The following CDH18 variants were observed in gnomAD, a reference collection of about 807,000 sequenced individuals.
CDH18 encodes the protein cadherin-18.
A neutral mutation model predicts 67.9 loss-of-function variants in CDH18; 31 were observed. The ratio of observed to expected loss-of-function variants is 0.46; its 90% confidence interval spans 0.34 to 0.62. CDH18 has a LOEUF of 0.62. CDH18 is among the 20% of genes least tolerant of loss of function. CDH18 has a pLI of 0.01. For missense variants in CDH18, 890 were observed against 975.5 expected (o/e 0.91, Z 1.17); for synonymous variants, 362 against 347.2 (o/e 1.04, Z -0.48).
chr5:20,287,393 T>C (rs1432567387), intron 1 of CDH18, among the ~76,000 whole-genome samples: 1 of 151,736 alleles, frequency 6.6e-6, no homozygotes, highest in African/African-American at 2.4e-5. Context: ...AAGGATAATA[T>C]TGTGCCTCCT....
intron 1 of CDH18, among the ~76,000 whole-genome samples, chr5:20,426,378 T>G (rs951828616): frequency 2.6e-5 from 4 of 151,278 alleles, no homozygotes; most frequent in Admixed American, 1.3e-4. Context: ...GAGAAATTAT[T>G]GCAGTTTTTA....
At chr5:20,045,500 T>G (rs993879763) in intron 2 of CDH18, among the ~76,000 whole-genome samples, 2 of 152,016 alleles carry the variant, frequency 1.3e-5, no homozygotes, top group Admixed American at 6.6e-5. Flanking sequence ...GTGTACTAGT[T>G]CGAGGGATTA....
At chr5:20,548,754 T>G (rs940731741) in intron 1 of CDH18, among the ~76,000 whole-genome samples, 2 of 152,184 alleles carry the variant, frequency 1.3e-5, no homozygotes, top group African/African-American at 4.8e-5. Context: ...CAGTTGAAAT[T>G]GTGATGTAGT....
chr5:20,106,879 A>G (rs551715616), intron 2 of CDH18, among the ~76,000 whole-genome samples: 7 of 152,330 alleles, frequency 4.6e-5, no homozygotes, highest in Non-Finnish European at 7.4e-5. Flanking sequence ...AGCTAATATA[A>G]CATGACAAAA....
chr5:19,906,410 T>C (rs1043256578), intron 2 of CDH18, among the ~76,000 whole-genome samples: 1 of 151,956 alleles, frequency 6.6e-6, no homozygotes, highest in African/African-American at 2.4e-5. Flanking sequence ...CTATACTGGA[T>C]CTATATCTAT....
chr5:20,321,435 C>G (rs1738011594), intron 1 of CDH18, among the ~76,000 whole-genome samples: 1 of 151,994 alleles, frequency 6.6e-6, no homozygotes, highest in South Asian at 2.1e-4. Flanking sequence ...TACCCAATTC[C>G]TTCTAGCTTG....
intron 2 of CDH18, among the ~76,000 whole-genome samples, chr5:20,149,482 T>G (rs1750929791): frequency 6.6e-6 from 1 of 152,170 alleles, no homozygotes; most frequent in Non-Finnish European, 1.5e-5. Flanking sequence ...GGGAGTCATG[T>G]GATGAATGGT....
intron 2 of CDH18, among the ~76,000 whole-genome samples, chr5:20,067,707 T>G (rs1291380163): frequency 1.3e-5 from 2 of 152,094 alleles, no homozygotes; most frequent in Non-Finnish European, 2.9e-5. Flanking sequence ...ATGGACTAAT[T>G]AATTTTTAAC....
At chr5:19,646,023 A>C (rs183184997) in intron 5 of CDH18, among the ~76,000 whole-genome samples, 15 of 152,328 alleles carry the variant, frequency 9.8e-5, no homozygotes, top group African/African-American at 3.6e-4. Flanking sequence ...AAATGATGAC[A>C]TGGAGATCTT....
At chr5:20,448,476 G>T (rs1750183446) in intron 1 of CDH18, among the ~76,000 whole-genome samples, 1 of 151,606 alleles carries the variant, frequency 6.6e-6, no homozygotes, top group Admixed American at 6.6e-5. Context: ...GTATTTATTA[G>T]CTATAGCCAA....
intron 12 of CDH18, among the ~76,000 whole-genome samples, chr5:19,477,698 T>C (rs1738718702): frequency 6.6e-6 from 1 of 152,232 alleles, no homozygotes; most frequent in South Asian, 2.1e-4. Flanking sequence ...GTCAAAAGAA[T>C]GTATTCAAAT....
chr5:19,859,269 T>C (rs529427679), intron 2 of CDH18, among the ~76,000 whole-genome samples: 3 of 152,238 alleles, frequency 2.0e-5, no homozygotes, highest in South Asian at 4.1e-4. Flanking sequence ...GTAGCATTAA[T>C]ATTAAAATAG....
chr5:19,483,215 G>T, intron 12 of CDH18, 86 bp downstream of exon 12: 2 of 1,333,986 alleles, frequency 1.5e-6, no homozygotes, highest in Non-Finnish European at 2.1e-6. Flanking sequence ...CCCACATTAT[G>T]GATGCCTAAT....
At chr5:19,485,760 C>A (rs964349805) in intron 11 of CDH18, among the ~76,000 whole-genome samples, 1 of 152,106 alleles carries the variant, frequency 6.6e-6, no homozygotes, top group Non-Finnish European at 1.5e-5. Flanking sequence ...TATTCACGGG[C>A]ACAAACATGT....
intron 2 of CDH18, among the ~76,000 whole-genome samples, chr5:20,113,788 G>C (rs182573023): frequency 6.6e-6 from 1 of 152,136 alleles, no homozygotes; most frequent in African/African-American, 2.4e-5. Context: ...AAAAGCTAGC[G>C]CAAGTCCAGA....
intron 2 of CDH18, among the ~76,000 whole-genome samples, chr5:19,842,260 T>G (rs886692020): frequency 5.3e-5 from 8 of 152,210 alleles, no homozygotes; most frequent in Admixed American, 2.6e-4. Flanking sequence ...GGTCTGGCTC[T>G]GTGTCCCCAC....
intron 4 of CDH18, among the ~76,000 whole-genome samples, chr5:19,737,264 C>T (rs1228214484): frequency 6.6e-6 from 1 of 152,100 alleles, no homozygotes; most frequent in Non-Finnish European, 1.5e-5. Flanking sequence ...TCATTCTATA[C>T]CCAATTGCTG....
intron 1 of CDH18, among the ~76,000 whole-genome samples, chr5:20,538,648 G>A (rs1756861045): frequency 6.6e-6 from 1 of 152,056 alleles, no homozygotes; most frequent in Admixed American, 6.6e-5. Flanking sequence ...ATCTCCACCA[G>A]ATTCTTCTAT....
intron 2 of CDH18, among the ~76,000 whole-genome samples, chr5:20,082,819 G>A (rs932763160): frequency 2.0e-5 from 3 of 152,142 alleles, no homozygotes; most frequent in Non-Finnish European, 4.4e-5. Context: ...AATGTTATCT[G>A]CCAGTCAAGA....
Sources: allele counts gnomAD v4.1 joint callset (sites outside exome capture counted in the v4.1 genomes callset), GRCh38; gene constraint gnomAD v4.1.1; transcripts MANE v1.5; gene names NCBI Gene and HGNC (gene_info 2026-07-23, HGNC 2026-07-21).